SIPA1L2: variants seen among roughly 807,000 people sequenced by gnomAD.
SIPA1L2 encodes the protein signal induced proliferation associated 1 like 2.
In SIPA1L2, 56 loss-of-function variants were observed where a neutral mutation model predicts 163.9. That is an observed-to-expected ratio of 0.34 (90% CI 0.28 to 0.43). SIPA1L2 has a LOEUF of 0.43. Ranked by LOEUF, SIPA1L2 falls within the 20% of genes least tolerant of loss-of-function variation. The pLI is 1.00. For missense variants in SIPA1L2, 1,974 were observed against 2,193.5 expected, an observed-to-expected ratio of 0.90 and a Z score of 2.00; for synonymous variants, 877 against 865.7, an observed-to-expected ratio of 1.01 and a Z score of -0.23.
chr1:232,558,798 G>A (rs1658871665), intron 2 of SIPA1L2, among the ~76,000 whole-genome samples: 1 of 152,056 alleles, frequency 6.6e-6, no homozygotes, highest in Non-Finnish European at 1.5e-5. Flanking sequence ...TTTTATGAGG[G>A]TAATCACTTT....
chr1:232,400,768 C>G (rs1471095154), intron 22 of SIPA1L2, among the ~76,000 whole-genome samples: 2 of 152,130 alleles, frequency 1.3e-5, no homozygotes, highest in African/African-American at 4.8e-5. Flanking sequence ...TTCAGCCTCT[C>G]CATCGCTTTC....
At chr1:232,526,769 CTG>C (rs1667732325) in intron 2 of SIPA1L2, among the ~76,000 whole-genome samples, 1 of 152,202 alleles carries the variant, frequency 6.6e-6, no homozygotes, top group African/African-American at 2.4e-5. Context: ...TCATCTGAGA[CTG>C]TGCCCCCCTG....
intron 2 of SIPA1L2, among the ~76,000 whole-genome samples, chr1:232,559,673 C>T (rs1369228465): frequency 6.6e-6 from 1 of 152,070 alleles, no homozygotes; most frequent in East Asian, 1.9e-4. Flanking sequence ...ATTTTGTTTT[C>T]ATCATTGGGT....
chr1:232,525,649 A>G (rs377534656), intron 2 of SIPA1L2, among the ~76,000 whole-genome samples: 6 of 152,132 alleles, frequency 3.9e-5, no homozygotes, highest in East Asian at 3.9e-4. Context: ...AGACAGCACA[A>G]AAGATTAAGA....
At chr1:232,503,063 C>T (rs1440250432) in intron 3 of SIPA1L2, among the ~76,000 whole-genome samples, 1 of 152,202 alleles carries the variant, frequency 6.6e-6, no homozygotes, top group African/African-American at 2.4e-5. Context: ...CATTCAGACC[C>T]TCACCCACCC....
rs113584066 is a variant in SIPA1L2 at position 232,555,508 on chromosome 1, T to C, written c.-270+18666A>G. 1.4e-3 allele frequency among the ~76,000 whole-genome samples: 217 copies of C among 152,314 alleles called. 3 individuals are homozygous for C. The highest frequency in any genetic ancestry group is 4.8e-3 in the African/African-American group (201 of 41,560). ...AGAAGAACCTCCAGTTGCTCCACCA[T>C]ATATAGGCTCTCACTGAAGTATCAC... On this transcript the variant is annotated intron_variant, in intron 2 of 22. Coordinates refer to ENST00000674635, the MANE Select transcript of SIPA1L2 (RefSeq NM_020808.5).
intron 2 of SIPA1L2, among the ~76,000 whole-genome samples, chr1:232,543,738 G>A (rs1657837463): frequency 1.3e-5 from 2 of 152,040 alleles, no homozygotes; most frequent in South Asian, 2.1e-4. Flanking sequence ...GAGTGGTGGC[G>A]CATACCTGCA....
chr1:232,528,102 A>ATATATATATATC lies in SIPA1L2; in HGVS notation c.-269-12495_-269-12494insGATATATATATA, dbSNP rs34779799. ...TTTATATATATATATATATATATAT[A>ATATATATATATC]ATCAACTTTCTAAAAACCACAGGTA... On this transcript the variant is annotated intron_variant, in intron 2 of 22. Coordinates refer to ENST00000674635, the MANE Select transcript of SIPA1L2 (RefSeq NM_020808.5). Among the ~76,000 whole-genome samples the ATATATATATATC allele has an allele frequency of 2.5e-3, 299 of 118,534 alleles. 50 individuals are homozygous for ATATATATATATC. The highest frequency in any genetic ancestry group is 6.1e-3 in the African/African-American group (178 of 28,986). 77.8% of individuals were successfully genotyped at this position (118,534 alleles called of 152,430 possible).
rs1660646930 is a variant in SIPA1L2, at chr1:232,586,216, T to C, written c.-318-11994A>G. Among the ~76,000 whole-genome samples the C allele has an allele frequency of 2.0e-5, 3 of 152,280 alleles. No homozygotes were observed. The South Asian group carries it at 6.2e-4, about 32-fold the overall frequency. The stretch of plus-strand genomic sequence containing the variant: ...TTCTGCCACCTGTACTCTGATATTT[T>C]CTCAGTGATCATGTGGGTCCTCTCT... On this transcript the variant is annotated intron_variant, in intron 1 of 22. Coordinates refer to ENST00000674635, the MANE Select transcript of SIPA1L2 (RefSeq NM_020808.5).
chr1:232,572,730 CAT>C (rs1659828610), intron 2 of SIPA1L2, among the ~76,000 whole-genome samples: 3 of 20,966 alleles, frequency 1.4e-4, no homozygotes, highest in African/African-American at 8.0e-4. Flanking sequence ...CACATATATA[CAT>C]ACATACATAT....
At chr1:232,597,644 T>C (rs10910569) in intron 1 of SIPA1L2, among the ~76,000 whole-genome samples, 70,681 of 143,076 alleles carry the variant, frequency 0.49, 17,241 homozygotes, top group East Asian at 0.59. Flanking sequence ...GAGCCGAGTT[T>C]GCGCCACTGC....
chr1:232,541,824 G>C (rs1433856119), intron 2 of SIPA1L2, among the ~76,000 whole-genome samples: 2 of 148,384 alleles, frequency 1.3e-5, no homozygotes, highest in African/African-American at 5.1e-5. Context: ...TACAATCTAG[G>C]TGGCAAGGAC....
chr1:232,422,632 G>C (rs184412408), intron 18 of SIPA1L2, among the ~76,000 whole-genome samples: 274 of 152,266 alleles, frequency 1.8e-3, no homozygotes, highest in African/African-American at 6.5e-3. Context: ...TAAAAGAAGA[G>C]TATCTGTGCT....
At chr1:232,538,402 T>TG (rs1477896692) in intron 2 of SIPA1L2, among the ~76,000 whole-genome samples, 1 of 152,180 alleles carries the variant, frequency 6.6e-6, no homozygotes, top group African/African-American at 2.4e-5. Context: ...ACCTCCAGAA[T>TG]GACTCAGAGG....
At chr1:232,546,788 A>G (rs1558259808) in intron 2 of SIPA1L2, among the ~76,000 whole-genome samples, 1 of 152,210 alleles carries the variant, frequency 6.6e-6, no homozygotes, top group Non-Finnish European at 1.5e-5. Flanking sequence ...GATATAGTGA[A>G]AGAGATAACC....
At chr1:232,600,763 A>C (rs572072175) in intron 1 of SIPA1L2, among the ~76,000 whole-genome samples, 18 of 152,260 alleles carry the variant, frequency 1.2e-4, no homozygotes, top group African/African-American at 4.3e-4. Context: ...CTCAGCACTC[A>C]GTTCCAGAGC....
At chr1:232,576,986 CAAATGTTCTATGT>C (rs1364021309) in intron 1 of SIPA1L2, among the ~76,000 whole-genome samples, 1 of 152,154 alleles carries the variant, frequency 6.6e-6, no homozygotes, top group Non-Finnish European at 1.5e-5. Context: ...CACTAAACAG[CAAATGTTCTATGT>C]AAATCAAACA....
At chr1:232,418,259 C>T (rs184331819) in intron 18 of SIPA1L2, among the ~76,000 whole-genome samples, 23 of 152,276 alleles carry the variant, frequency 1.5e-4, no homozygotes, top group African/African-American at 5.5e-4. Context: ...GCAATGAGAA[C>T]AGAGGGGATG....
chr1:232,598,404 T>G (rs566935623), intron 1 of SIPA1L2, among the ~76,000 whole-genome samples: 1 of 152,286 alleles, frequency 6.6e-6, no homozygotes, highest in East Asian at 1.9e-4. Context: ...AATGAAACCC[T>G]CTCTCTAAAA....
Sources: allele counts gnomAD v4.1 joint callset (sites outside exome capture counted in the v4.1 genomes callset), GRCh38; gene constraint gnomAD v4.1.1; transcripts MANE v1.5; gene names NCBI Gene and HGNC (gene_info 2026-07-23, HGNC 2026-07-21).